The following NRDC variants were observed in gnomAD, a reference collection of about 807,000 sequenced individuals.
The protein encoded by NRDC is nardilysin convertase, also known as nardilysin.
A neutral mutation model predicts 147.1 loss-of-function variants in NRDC; 54 were observed. The ratio of observed to expected loss-of-function variants is 0.37; its 90% CI spans 0.29 to 0.46. The LOEUF is 0.46. Among genes scored for constraint, NRDC ranks in the 20% least tolerant of loss-of-function variants. The pLI, the probability that NRDC is intolerant of heterozygous loss-of-function variation, is 1.00. For missense variants in NRDC, 1,082 were observed against 1,370.6 expected (o/e 0.79, Z 3.33); for synonymous variants, 440 against 482.1 (o/e 0.91, Z 1.14).
intron 16 of NRDC, 64 bp downstream of exon 16, chr1:51,810,217 A>G (rs1478902339): frequency 8.0e-7 from 1 of 1,256,510 alleles, no homozygotes; most frequent in Non-Finnish European, 1.1e-6. Flanking sequence ...AAATTATTAA[A>G]GAATAAACAT....
At chr1:51,803,114 A>G (rs1679284768) in intron 20 of NRDC, among the ~76,000 whole-genome samples, 1 of 152,206 alleles carries the variant, frequency 6.6e-6, no homozygotes, top group South Asian at 2.1e-4. Context: ...AATGAGGAGC[A>G]TAAGATGAGG....
chr1:51,795,865 T>C (rs1007841693), intron 22 of NRDC, among the ~76,000 whole-genome samples: 2 of 152,164 alleles, frequency 1.3e-5, no homozygotes, highest in Non-Finnish European at 2.9e-5. Context: ...TCATCTTCTA[T>C]TTCTTAAGCA....
At chr1:51,863,069 AAAAC>A (rs1361102634) in intron 1 of NRDC, among the ~76,000 whole-genome samples, 2 of 148,698 alleles carry the variant, frequency 1.3e-5, no homozygotes, top group African/African-American at 4.9e-5. Context: ...TAGAAAATTT[AAAAC>A]AAAGTATCAC....
At position 51,810,274 on chromosome 1, in the gene NRDC, A is replaced by AT; in HGVS notation, c.1903+6dup. The AT allele has an allele frequency of 6.3e-7, 1 of 1,582,336 alleles. No homozygotes were observed. The highest frequency in any genetic ancestry group is 8.6e-7 in the Non-Finnish European group (1 of 1,161,404). On this transcript the variant is annotated splice_region_variant and intron_variant, in intron 16 of 30. Transcript: ENST00000352171. ...CTAAATGTAAGACAATTGTTAAAATATTTTACCTTCTATACTATATTGAGT... is the reference window on the plus strand; with the variant it reads ...CTAAATGTAAGACAATTGTTAAAATATTTTTACCTTCTATACTATATTGAGT...
intron 4 of NRDC, among the ~76,000 whole-genome samples, chr1:51,831,034 G>T (rs761672480): frequency 6.6e-6 from 1 of 151,904 alleles, no homozygotes; most frequent in Non-Finnish European, 1.5e-5. Flanking sequence ...CTCTACTTAT[G>T]GCATAAATTT....
intron 4 of NRDC, among the ~76,000 whole-genome samples, chr1:51,828,073 A>T (rs531149433): frequency 6.6e-6 from 1 of 152,366 alleles, no homozygotes; most frequent in African/African-American, 2.4e-5. Context: ...TTTAATAACA[A>T]TCATACAGAA....
Position 51,790,679 on chromosome 1 carries a change from G to A in NRDC, c.3052-30C>T, listed in dbSNP as rs561792813. Reference sequence around the variant, plus strand: ...TCCCACCAAAAAGAAAGATGCTCAGGTGAGGCAACATACCACTTCCCACAG... The same window carrying A: ...TCCCACCAAAAAGAAAGATGCTCAGATGAGGCAACATACCACTTCCCACAG... On this transcript the variant is annotated intron_variant, in intron 28 of 30. Transcript: ENST00000352171. 31 of 1,482,748 alleles carry A rather than the reference G, an allele frequency of 2.1e-5. No homozygotes were observed. In the South Asian group the frequency reaches 3.4e-4, roughly 16 times the overall value. The allele number at this position is 1,482,748 out of a possible 1,614,324, so 91.8% of individuals were successfully genotyped here. A position where few individuals can be genotyped will look rare whatever the true frequency, so the allele number is the denominator to read the frequency against.
intron 5 of NRDC, 129 bp from the exon 6 acceptor site, chr1:51,825,511 C>A: frequency 1.4e-6 from 1 of 710,040 alleles, no homozygotes; most frequent in Non-Finnish European, 2.3e-6. Flanking sequence ...TGTTATAAGA[C>A]TGAAGTGGGA....
At chr1:51,795,964 T>C (rs1207339588) in intron 22 of NRDC, among the ~76,000 whole-genome samples, 1 of 151,574 alleles carries the variant, frequency 6.6e-6, no homozygotes, top group African/African-American at 2.4e-5. Flanking sequence ...CACTGCAGCC[T>C]CCACTTCCTG....
intron 29 of NRDC, chr1:51,789,870 A>T (rs1678504813): frequency 3.5e-6 from 2 of 569,286 alleles, no homozygotes; most frequent in Non-Finnish European, 6.3e-6. Flanking sequence ...CAATGGCAAG[A>T]GAGGTTAGCA....
Position 51,836,504 on chromosome 1 carries a change from T to C in NRDC, c.631-292A>G, listed in dbSNP as rs554653612. On this transcript the variant is annotated intron_variant, in intron 2 of 30. Coordinates refer to ENST00000352171, the MANE Select transcript of NRDC (RefSeq NM_001101662.2). ...AGGGACTGGACAGCCCACCCAAATATCATTTCATGTCAGCATTTCATAATT... is the reference window on the plus strand; with the variant it reads ...AGGGACTGGACAGCCCACCCAAATACCATTTCATGTCAGCATTTCATAATT... 18 of 1,323,238 alleles carry C rather than the reference T, an allele frequency of 1.4e-5. No homozygotes were observed. In the African/African-American group the frequency reaches 2.5e-4, roughly 18 times the overall value. 82.0% of individuals were successfully genotyped at this position (1,323,238 alleles called of 1,614,324 possible).
At chr1:51,794,746 C>G in intron 23 of NRDC, 77 bp downstream of exon 23, 1 of 1,594,872 alleles carries the variant, frequency 6.3e-7, no homozygotes, top group South Asian at 1.1e-5. Flanking sequence ...TGTTTAGTAA[C>G]AATTAACTGA....
chr1:51,817,643 A>G (rs777425417), intron 10 of NRDC, among the ~76,000 whole-genome samples: 4 of 152,038 alleles, frequency 2.6e-5, no homozygotes, highest in Non-Finnish European at 5.9e-5. Context: ...TCAGCTTCAA[A>G]CAATTCTCGT....
At position 51,833,287 on chromosome 1, in the gene NRDC, T is replaced by C. The variant is rs905205178; in HGVS notation, c.866+730A>G. ...ACCAGCCTGGGCAATACAGAGAGAC[T>C]CCCAATTCTACAAAAAAATTTAAAA... On this transcript the variant is annotated intron_variant, in intron 4 of 30. Transcript: ENST00000352171. Among the ~76,000 whole-genome samples, 5 of 151,942 alleles carry C rather than the reference T, an allele frequency of 3.3e-5. 1 individual carries two copies. The South Asian group carries it at 8.3e-4, about 25-fold the overall frequency.
intron 8 of NRDC, 123 bp from the exon 9 acceptor site, chr1:51,819,996 C>G (rs1571866765): frequency 8.3e-6 from 6 of 718,766 alleles, no homozygotes; most frequent in East Asian, 2.8e-5. Context: ...GGAAAGCATT[C>G]CAGGCATGAA....
intron 1 of NRDC, among the ~76,000 whole-genome samples, chr1:51,849,470 A>G (rs911689944): frequency 1.3e-5 from 2 of 152,060 alleles, no homozygotes; most frequent in African/African-American, 4.8e-5. Flanking sequence ...GGAACTTGAC[A>G]TACTGATTCT....
rs138840635 is a variant in NRDC, at chr1:51,856,007, TTAAC to T, written c.342-15497_342-15494del. On this transcript the variant is annotated intron_variant, in intron 1 of 30. Coordinates refer to ENST00000352171, the MANE Select transcript of NRDC (RefSeq NM_001101662.2). ...AATGAAATATTTTTCATCCAACAAA[TTAAC>T]TAAACAAAAAATAAAAACAATTGCT... 6.9e-3 allele frequency among the ~76,000 whole-genome samples: 1,056 copies of T among 152,152 alleles called. 13 individuals are homozygous for T. The highest frequency in any genetic ancestry group is 0.024 in the African/African-American group (1,010 of 41,520).
At chr1:51,846,356 C>T (rs1409204126) in intron 1 of NRDC, among the ~76,000 whole-genome samples, 1 of 152,130 alleles carries the variant, frequency 6.6e-6, no homozygotes, top group African/African-American at 2.4e-5. Flanking sequence ...TCAAGTGATC[C>T]ACCCGCCTCG....
chr1:51,832,993 T>A (rs1443827040), intron 4 of NRDC, among the ~76,000 whole-genome samples: 1 of 152,206 alleles, frequency 6.6e-6, no homozygotes, highest in Non-Finnish European at 1.5e-5. Flanking sequence ...AAATGATATA[T>A]CTTGCTTAAA....
Sources: gnomAD v4.1 joint callset for allele counts (sites outside exome capture counted in the v4.1 genomes callset) on GRCh38, gnomAD v4.1.1 for gene constraint, MANE v1.5 for transcripts, NCBI Gene and HGNC (gene_info 2026-07-23, HGNC 2026-07-21) for gene names.